PARL: variants seen among roughly 807,000 people sequenced by gnomAD.
PARL encodes the protein presenilin associated rhomboid like.
A neutral mutation model predicts 51.6 loss-of-function variants in PARL; 44 were observed. That is an observed-to-expected ratio of 0.85 (90% CI 0.67 to 1.10). PARL has a LOEUF of 1.10. Ranked by LOEUF, PARL falls within the 50% of genes least tolerant of loss-of-function variation. The pLI, the probability that PARL is intolerant of heterozygous loss-of-function variation, is 0.00. For synonymous variants in PARL, 172 were observed against 164.0 expected (o/e 1.05, Z -0.37); for missense variants, 441 against 469.5 (o/e 0.94, Z 0.56).
intron 7 of PARL, among the ~76,000 whole-genome samples, chr3:183,836,857 A>G (rs1397676522): frequency 6.6e-6 from 1 of 152,142 alleles, no homozygotes; most frequent in Admixed American, 6.5e-5. Flanking sequence ...CTCACACCTC[A>G]GCCTGCCAAG....
At chr3:183,845,930 T>C (rs1729897239) in intron 4 of PARL, among the ~76,000 whole-genome samples, 1 of 152,212 alleles carries the variant, frequency 6.6e-6, no homozygotes, top group Non-Finnish European at 1.5e-5. Context: ...ATCGGATTGC[T>C]ATGATCATGA....
At chr3:183,877,426 T>C (rs997562323) in intron 1 of PARL, among the ~76,000 whole-genome samples, 6 of 152,198 alleles carry the variant, frequency 3.9e-5, no homozygotes, top group African/African-American at 1.4e-4. Flanking sequence ...TACATAAACC[T>C]AGCTGATAAA....
chr3:183,883,171 CATT>C (rs961684484), intron 1 of PARL, among the ~76,000 whole-genome samples: 1 of 152,178 alleles, frequency 6.6e-6, no homozygotes, highest in Non-Finnish European at 1.5e-5. Context: ...ACTAGAGGCT[CATT>C]AGTTTTCTTT....
At chr3:183,860,946 G>A (rs2108660707) in intron 4 of PARL, among the ~76,000 whole-genome samples, 1 of 151,660 alleles carries the variant, frequency 6.6e-6, no homozygotes, top group East Asian at 1.9e-4. Context: ...CCTAGTAGCT[G>A]GGATTAACAG....
chr3:183,827,780 C>T (rs1254455672), downstream of PARL, among the ~76,000 whole-genome samples: 1 of 152,124 alleles, frequency 6.6e-6, no homozygotes, highest in Non-Finnish European at 1.5e-5. Flanking sequence ...TGGAACCATG[C>T]GTGTGTTGCA....
intron 7 of PARL, among the ~76,000 whole-genome samples, chr3:183,838,176 C>T (rs975739083): frequency 2.0e-5 from 3 of 151,934 alleles, no homozygotes; most frequent in Non-Finnish European, 4.4e-5. Context: ...CAGGTGCATG[C>T]CACCATGCCC....
At chr3:183,870,844 A>G (rs1733105575) in intron 1 of PARL, among the ~76,000 whole-genome samples, 1 of 152,066 alleles carries the variant, frequency 6.6e-6, no homozygotes, top group African/African-American at 2.4e-5. Context: ...AACTACGACA[A>G]TGCTACTCAT....
intron 1 of PARL, among the ~76,000 whole-genome samples, chr3:183,876,585 T>C (rs1213189252): frequency 1.4e-5 from 2 of 146,852 alleles, no homozygotes; most frequent in African/African-American, 5.0e-5. Flanking sequence ...TTTTCTTTTT[T>C]TATTCCCCTA....
intron 2 of PARL, among the ~76,000 whole-genome samples, chr3:183,867,468 A>C (rs1193084802): frequency 2.0e-5 from 3 of 152,054 alleles, no homozygotes; most frequent in Admixed American, 1.3e-4. Flanking sequence ...TGGGAGGCCA[A>C]GGCGGGCGGA....
chr3:183,874,859 T>A (rs1387171655), intron 1 of PARL, among the ~76,000 whole-genome samples: 1 of 151,938 alleles, frequency 6.6e-6, no homozygotes, highest in Non-Finnish European at 1.5e-5. Flanking sequence ...ATCACTTGAG[T>A]TCAGGAGTTT....
intron 1 of PARL, among the ~76,000 whole-genome samples, chr3:183,872,101 G>A (rs6767096): frequency 0.7 from 105,705 of 151,340 alleles, 37,236 homozygotes; most frequent in East Asian, 0.88. Flanking sequence ...TCCCAGGTAC[G>A]AGCGATTCTC....
chr3:183,879,250 C>T (rs565867353), intron 1 of PARL, among the ~76,000 whole-genome samples: 1 of 152,350 alleles, frequency 6.6e-6, no homozygotes, highest in South Asian at 2.1e-4. Flanking sequence ...TTTCACATCC[C>T]ATTCCTTGGC....
chr3:183,861,733 C>T (rs1731852072), intron 4 of PARL, among the ~76,000 whole-genome samples: 1 of 152,126 alleles, frequency 6.6e-6, no homozygotes, highest in African/African-American at 2.4e-5. Context: ...TTTTGCAATT[C>T]TCTAGAAATA....
At chr3:183,863,698 C>A (rs1560414037) in intron 3 of PARL, among the ~76,000 whole-genome samples, 1 of 152,020 alleles carries the variant, frequency 6.6e-6, no homozygotes, top group Non-Finnish European at 1.5e-5. Flanking sequence ...CTCAGTCTCC[C>A]AAGGTGCTGG....
chr3:183,884,150 G>T (rs936092375), intron 1 of PARL, among the ~76,000 whole-genome samples: 3 of 152,128 alleles, frequency 2.0e-5, no homozygotes, highest in Non-Finnish European at 4.4e-5. Context: ...TCAACCATAC[G>T]CTTCACACTT....
At chr3:183,846,537 T>A in intron 4 of PARL, 1 of 984,746 alleles carries the variant, frequency 1.0e-6, no homozygotes, top group Non-Finnish European at 1.2e-6. Context: ...ACATTGAGGT[T>A]AACAGTAGAC....
chr3:183,865,368 C>T (rs1732346047), intron 3 of PARL, among the ~76,000 whole-genome samples: 1 of 152,126 alleles, frequency 6.6e-6, no homozygotes, highest in Admixed American at 6.6e-5. Context: ...GAAAAATTCC[C>T]TGCAGTTCAA....
At chr3:183,847,916 C>T (rs1173726501) in intron 4 of PARL, among the ~76,000 whole-genome samples, 2 of 152,168 alleles carry the variant, frequency 1.3e-5, no homozygotes, top group Non-Finnish European at 2.9e-5. Context: ...TGTATATCTC[C>T]ACTTAGGAGG....
At chr3:183,874,779 GA>G (rs1235536922) in intron 1 of PARL, among the ~76,000 whole-genome samples, 1 of 152,006 alleles carries the variant, frequency 6.6e-6, no homozygotes, top group East Asian at 1.9e-4. Flanking sequence ...TAAATACAAA[GA>G]AACAATTCTT....
Sources: allele counts gnomAD v4.1 joint callset (sites outside exome capture counted in the v4.1 genomes callset), GRCh38; gene constraint gnomAD v4.1.1; transcripts MANE v1.5; gene names NCBI Gene and HGNC (gene_info 2026-07-23, HGNC 2026-07-21).